SELE: variants seen among roughly 807,000 people sequenced by gnomAD.
The protein encoded by SELE is E-selectin.
In SELE, 52 loss-of-function variants were observed where a neutral mutation model predicts 75.8. That is an observed-to-expected ratio of 0.69 (90% CI 0.55 to 0.86). The LOEUF is 0.86. Ranked by LOEUF, SELE falls within the 40% of genes least tolerant of loss-of-function variation. The pLI, the probability that SELE is intolerant of heterozygous loss-of-function variation, is 0.00. For missense variants in SELE, 754 were observed against 732.7 expected (o/e 1.03, Z -0.34); for synonymous variants, 285 against 258.7 (o/e 1.10, Z -0.98).
rs1648698785 is a variant in SELE at position 169,724,529 on chromosome 1, T to A, written c.*16-20A>T. On this transcript the variant is annotated intron_variant, in intron 13 of 13. Transcript: ENST00000333360. ...CTGTTTCTGTAAATATAAACATGCA[T>A]GTCATCAGAACACTTAATATTCTGC... 1 of 152,228 alleles carries A rather than the reference T, an allele frequency of 6.6e-6. No homozygotes were observed. Among genetic ancestry groups the A allele is most frequent in the Non-Finnish European group, 1.5e-5 (1 of 68,048 alleles). 9.4% of individuals were successfully genotyped at this position (152,228 alleles called of 1,614,324 possible).
rs1648894760 is a variant in SELE at position 169,730,769 on chromosome 1, C to A, written c.530-152G>T. On this transcript the variant is annotated intron_variant, in intron 4 of 13. Coordinates refer to ENST00000333360, the MANE Select transcript of SELE (RefSeq NM_000450.2). The stretch of plus-strand genomic sequence containing the variant: ...TTTGTAAAATTGACTGTAATTCTAC[C>A]CCTTTTCTTTTATTCAAGAAAATGC... The A allele has an allele frequency of 1.9e-5, 9 of 478,770 alleles. No individual in the cohort carries two copies. The South Asian group carries it at 4.8e-4, about 26-fold the overall frequency. 29.7% of individuals were successfully genotyped at this position (478,770 alleles called of 1,614,324 possible). A position where few individuals can be genotyped will look rare whatever the true frequency, so the allele number is the denominator to read the frequency against.
At chr1:169,724,721 G>A (rs1323829984) in intron 13 of SELE, among the ~76,000 whole-genome samples, 1 of 152,116 alleles carries the variant, frequency 6.6e-6, no homozygotes, top group Non-Finnish European at 1.5e-5. Flanking sequence ...GAATTCTAAT[G>A]TAGCCTGTGG....
chr1:169,723,462 T>A lies in SELE; in HGVS notation c.*1063A>T, dbSNP rs1648676253. 1 of 152,266 alleles carries A rather than the reference T, an allele frequency of 6.6e-6. No homozygotes were observed. The highest frequency in any genetic ancestry group is 2.4e-5 in the African/African-American group (1 of 41,472). The allele number at this position is 152,266 out of a possible 1,614,324, so 9.4% of individuals were successfully genotyped here. On this transcript the variant is annotated 3_prime_UTR_variant, in exon 14 of 14. Coordinates refer to ENST00000333360, the MANE Select transcript of SELE (RefSeq NM_000450.2). ...TCCAACAAAGACATTCATAAAATTATACCTTTGTGTGTTTGCATTTATGCT... is the reference window on the plus strand; with the variant it reads ...TCCAACAAAGACATTCATAAAATTAAACCTTTGTGTGTTTGCATTTATGCT...
At position 169,733,559 on chromosome 1, in the gene SELE, TA is replaced by T. The variant is rs1323143278; in HGVS notation, c.37+16del. On this transcript the variant is annotated intron_variant, in intron 2 of 13. Transcript: ENST00000333360. ...AGTGCGAGAATGAGAAATCTTGGTCTAATGGCACTGACTTACCCAAAGTGAG... is the reference window on the plus strand; with the variant it reads ...AGTGCGAGAATGAGAAATCTTGGTCTATGGCACTGACTTACCCAAAGTGAG... 6.2e-7 allele frequency: 1 copy of T among 1,612,142 alleles called. No homozygotes were observed. The highest frequency in any genetic ancestry group is 1.1e-5 in the South Asian group (1 of 91,030).
In SELE at chr1:169,726,765, CA is replaced by C. The variant is rs1558013142; in HGVS notation, c.1686del (p.Ala563LeufsTer7). On this transcript the variant is annotated frameshift_variant, in exon 11 of 14. Coordinates refer to ENST00000333360, the MANE Select transcript of SELE (RefSeq NM_000450.2). LOFTEE classifies it high-confidence loss of function. ...ESNIPLVAGL[S>X]AAGLSLLTLA... is the part of the protein sequence containing the mutation. ...AATGTCAGGAGGGAGAGTCCAGCAG[CA>C]GAAAGTCCAGCTACCAAGGGAATGT... is the stretch of plus-strand genomic sequence containing the variant. The C allele has an allele frequency of 6.2e-7, 1 of 1,613,680 alleles. No individual in the cohort carries two copies. The highest frequency in any genetic ancestry group is 1.3e-5 in the African/African-American group (1 of 74,886).
At position 169,730,545 on chromosome 1, in the gene SELE, C is replaced by G. The variant is rs773023711; in HGVS notation, c.602G>C (p.Ser201Thr). 22 of 1,613,912 alleles carry G rather than the reference C, an allele frequency of 1.4e-5. No homozygotes were observed. The highest frequency in any genetic ancestry group is 1.9e-5 in the Non-Finnish European group (22 of 1,179,980). Residue 201 changes from serine to threonine, a missense_variant, in exon 5 of 14, where the codon AGC becomes ACC. Ser to Thr is a moderately conservative substitution (Grantham distance 58). Transcript: ENST00000333360. ...GCTGATAGAGCAGGAAGAATTGTAGCTGAAGTTTCCCAGTGGGTGACTGCA... is the reference window on the plus strand; with the variant it reads ...GCTGATAGAGCAGGAAGAATTGTAGGTGAAGTTTCCCAGTGGGTGACTGCA... The part of the protein sequence containing the change: ...LVCSHPLGNF[S>T]YNSSCSISCD...
intron 3 of SELE, among the ~76,000 whole-genome samples, chr1:169,732,391 C>T (rs1338030151): frequency 1.4e-5 from 2 of 146,706 alleles, no homozygotes; most frequent in Non-Finnish European, 3.0e-5. Context: ...TACACACACA[C>T]ATATATGTGT....
At chr1:169,727,623 C>T (rs935889455) in intron 9 of SELE, 98 bp from the exon 10 acceptor site, 3 of 1,538,640 alleles carry the variant, frequency 1.9e-6, no homozygotes, top group Non-Finnish European at 1.8e-6. Flanking sequence ...AGTGTAAGCG[C>T]TACTTAGTTT....
In SELE at chr1:169,727,938, C is replaced by G. The variant is rs569776817; in HGVS notation, c.1280-11G>C. On this transcript the variant is annotated splice_polypyrimidine_tract_variant and intron_variant, in intron 8 of 13. Coordinates refer to ENST00000333360, the MANE Select transcript of SELE (RefSeq NM_000450.2). Reference sequence around the variant, plus strand: ...CATCGCATCTCACAGCTGGAACACACGAGAGAGCACTTTAGAAGTTTGTTT... The same window carrying G: ...CATCGCATCTCACAGCTGGAACACAGGAGAGAGCACTTTAGAAGTTTGTTT... 2 of 1,608,850 alleles carry G rather than the reference C, an allele frequency of 1.2e-6. No individual in the cohort carries two copies. The highest frequency in any genetic ancestry group is 4.5e-5 in the East Asian group (2 of 44,792).
In SELE at chr1:169,725,909, G is replaced by A. The variant is rs1234600661; in HGVS notation, c.1773C>T (p.Ala591=). 6.2e-7 allele frequency: 1 copy of A among 1,613,960 alleles called. No individual in the cohort carries two copies. The highest frequency in any genetic ancestry group is 1.1e-5 in the South Asian group (1 of 91,070). The change falls in exon 12 of 14, where the codon GCC becomes GCT. Residue 591 remains alanine (A), a splice_region_variant and synonymous_variant. Coordinates refer to ENST00000333360, the MANE Select transcript of SELE (RefSeq NM_000450.2). ...CTTTGTATAAGAATGCAACTTACCT[G>A]GCAGGAACAAATTTCTTTGCTGCAA... ...CLRKAKKFVP[A]SSCQSLESDG...
In SELE at chr1:169,732,846, T is replaced by C. The variant is rs776917742; in HGVS notation, c.190A>G (p.Ser64Gly). The change falls in exon 3 of 14, where the codon AGC becomes GGC. Residue 64 changes from serine (S) to glycine (G), a missense_variant. Transcript: ENST00000333360. The stretch of plus-strand genomic sequence containing the variant: ...ATCCAGTAATAACTTGGTGAATAGC[T>C]CAATATGGAGTTTAGGTACTCAATC... ...EEIEYLNSIL[S>G]YSPSYYWIGI... 3.8e-5 allele frequency: 62 copies of C among 1,614,044 alleles called. No homozygotes were observed. Among genetic ancestry groups the C allele is most frequent in the Middle Eastern group, 1.6e-4 (1 of 6,084 alleles).
rs1558015995 is a variant in SELE, at chr1:169,732,871, C to T, written c.165G>A (p.Glu55=). Residue 55 remains glutamate, a synonymous_variant, in exon 3 of 14, where the codon GAG becomes GAA. Transcript: ENST00000333360. The part of the protein sequence containing the change: ...THLVAIQNKE[E]IEYLNSILSY... Reference sequence around the variant, plus strand: ...TCAATATGGAGTTTAGGTACTCAATCTCTTCTTTGTTTTGAATTGCAACCA... The same window carrying T: ...TCAATATGGAGTTTAGGTACTCAATTTCTTCTTTGTTTTGAATTGCAACCA... 6.2e-7 allele frequency: 1 copy of T among 1,614,162 alleles called. No homozygotes were observed. The highest frequency in any genetic ancestry group is 1.7e-5 in the Admixed American group (1 of 60,024).
chr1:169,727,640 T>G, intron 9 of SELE, 99 bp downstream of exon 9: 1 of 1,532,944 alleles, frequency 6.5e-7, no homozygotes, highest in Admixed American at 1.9e-5. Context: ...GTTTTCAGCA[T>G]GTAGGAAATT....
In SELE at chr1:169,732,982, C is replaced by G. The variant is rs759402916; in HGVS notation, c.54G>C (p.Glu18Asp). The G allele has an allele frequency of 6.3e-7, 1 of 1,589,004 alleles. No individual in the cohort carries two copies. The highest frequency in any genetic ancestry group is 8.5e-7 in the Non-Finnish European group (1 of 1,171,430). Residue 18 changes from glutamate (E) to aspartate (D), a missense_variant, in exon 3 of 14, where the codon GAG becomes GAC. By Grantham distance (45) the Glu-to-Asp change is conservative. Transcript: ENST00000333360. ...AGGTGTTGTAAGACCAGGCTCCACT[C>G]TCTTTAATGAGAAGCACTAGTGGGA... ...SALTLVLLIKESGAWSYNTST... is the reference protein window; with the variant it reads ...SALTLVLLIKDSGAWSYNTST...
intron 2 of SELE, among the ~76,000 whole-genome samples, chr1:169,733,360 A>G (rs3917403): frequency 0.028 from 4,257 of 150,646 alleles, 202 homozygotes; most frequent in African/African-American, 0.096. Flanking sequence ...CATCTGGGAA[A>G]TAGGTCATTA....
rs769342728 is a variant in SELE at position 169,728,110 on chromosome 1, C to A, written c.1227G>T (p.Arg409Ser). Residue 409 changes from arginine to serine, a missense_variant, in exon 8 of 14, where the codon AGG (arginine) becomes AGT (serine). Physicochemically the swap from Arg to Ser is moderately radical, Grantham distance 110 (BLOSUM62 -1). Coordinates refer to ENST00000333360, the MANE Select transcript of SELE (RefSeq NM_000450.2). ...EQGFVLKGSKRLQCGPTGEWD... is the reference protein window; with the variant it reads ...EQGFVLKGSKSLQCGPTGEWD... ...ACTCCCCTGTGGGGCCACATTGGAG[C>A]CTTTTGGATCCCTTCAACACAAAAC... is the stretch of plus-strand genomic sequence containing the variant. 4.3e-6 allele frequency: 7 copies of A among 1,614,072 alleles called. No individual in the cohort carries two copies. The African/African-American group carries it at 6.7e-5, about 15-fold the overall frequency.
intron 13 of SELE, among the ~76,000 whole-genome samples, chr1:169,724,887 C>CA (rs1273047074): frequency 6.6e-6 from 1 of 152,022 alleles, no homozygotes. Context: ...ACCGCACACA[C>CA]AAAAAAAGTT....
rs369771522 is a variant in SELE, at chr1:169,728,111, C to A, written c.1226G>T (p.Arg409Met). 3 of 1,614,210 alleles carry A rather than the reference C, an allele frequency of 1.9e-6. No homozygotes were observed. Among genetic ancestry groups the A allele is most frequent in the Non-Finnish European group, 1.7e-6 (2 of 1,180,032 alleles). ...EQGFVLKGSK[R>M]LQCGPTGEWD... is the part of the protein sequence containing the mutation. ...CTCCCCTGTGGGGCCACATTGGAGC[C>A]TTTTGGATCCCTTCAACACAAAACC... is the stretch of plus-strand genomic sequence containing the variant. Residue 409 changes from arginine (R) to methionine (M), a missense_variant, in exon 8 of 14, where the codon AGG (arginine) becomes ATG (methionine). Coordinates refer to ENST00000333360, the MANE Select transcript of SELE (RefSeq NM_000450.2).
chr1:169,730,438 A>T lies in SELE; in HGVS notation c.709T>A (p.Cys237Ser). 1 of 1,588,150 alleles carries T rather than the reference A, an allele frequency of 6.3e-7. No individual in the cohort carries two copies. The highest frequency in any genetic ancestry group is 1.2e-5 in the South Asian group (1 of 86,818). Residue 237 changes from cysteine to serine, a missense_variant, in exon 5 of 14, where the codon TGC (cysteine) becomes AGC (serine). Coordinates refer to ENST00000333360, the MANE Select transcript of SELE (RefSeq NM_000450.2). ...CATTCTCAGAGGGATTTACCATTGCAGGCTGGAATAGGAGCACTCCATTCT... is the reference window on the plus strand; with the variant it reads ...CATTCTCAGAGGGATTTACCATTGCTGGCTGGAATAGGAGCACTCCATTCT... The part of the protein sequence containing the change: ...SGEWSAPIPA[C>S]NVVECDAVTN...
Sources: gnomAD v4.1 joint callset for allele counts (sites outside exome capture counted in the v4.1 genomes callset) on GRCh38, gnomAD v4.1.1 for gene constraint, MANE v1.5 for transcripts, NCBI Gene and HGNC (gene_info 2026-07-23, HGNC 2026-07-21) for gene names.